The following ADARB2 variants were observed in gnomAD, a reference collection of about 807,000 sequenced individuals.
The protein encoded by ADARB2 is adenosine deaminase RNA specific B2 (inactive), also known as inactive double-stranded RNA-specific editase B2.
ADARB2 carries 25 observed loss-of-function variants against 62.2 expected under a neutral mutation model. That is an observed-to-expected ratio of 0.40 (90% confidence interval 0.29 to 0.56). The LOEUF (loss-of-function observed/expected upper bound fraction) is 0.56, where lower values mean the gene tolerates loss of function less well. ADARB2 is among the 20% of genes least tolerant of loss of function. ADARB2 has a pLI of 0.43. For synonymous variants in ADARB2, 572 were observed against 500.8 expected (o/e 1.14, Z -1.90); for missense variants, 1,071 against 1,077.4 (o/e 0.99, Z 0.08).
At chr10:1,466,562 C>A (rs954079024) in intron 1 of ADARB2, among the ~76,000 whole-genome samples, 1 of 152,116 alleles carries the variant, frequency 6.6e-6, no homozygotes, top group Non-Finnish European at 1.5e-5. Context: ...AGTGGCTAGG[C>A]GGACACACAG....
chr10:1,192,079 C>A (rs1211091228), intron 8 of ADARB2, among the ~76,000 whole-genome samples: 11 of 152,266 alleles, frequency 7.2e-5, no homozygotes, highest in African/African-American at 2.6e-4. Flanking sequence ...TGAAGAAAAT[C>A]CTTATTTACC....
At chr10:1,403,398 G>A (rs1207990774) in intron 1 of ADARB2, among the ~76,000 whole-genome samples, 1 of 152,166 alleles carries the variant, frequency 6.6e-6, no homozygotes, top group Non-Finnish European at 1.5e-5. Flanking sequence ...CCCGATGCAG[G>A]AGCAAGGCTA....
intron 1 of ADARB2, among the ~76,000 whole-genome samples, chr10:1,636,065 C>T (rs1355759465): frequency 1.3e-5 from 2 of 152,132 alleles, no homozygotes; most frequent in East Asian, 1.9e-4. Flanking sequence ...TTTTGGAGGT[C>T]GGGTGCTCCC....
At chr10:1,722,907 G>A (rs1474248837) in intron 1 of ADARB2, among the ~76,000 whole-genome samples, 6 of 152,090 alleles carry the variant, frequency 3.9e-5, no homozygotes, top group East Asian at 1.9e-4. Context: ...CTATACATAC[G>A]TGTATATTTA....
intron 1 of ADARB2, among the ~76,000 whole-genome samples, chr10:1,666,469 C>T (rs1022045940): frequency 6.6e-6 from 1 of 152,236 alleles, no homozygotes; most frequent in African/African-American, 2.4e-5. Flanking sequence ...TGTGTTCCCC[C>T]AATCGTGTTC....
chr10:1,653,567 CCCA>C (rs1834140208), intron 1 of ADARB2, among the ~76,000 whole-genome samples: 1 of 140,000 alleles, frequency 7.1e-6, no homozygotes, highest in African/African-American at 2.8e-5. Flanking sequence ...CAGTCTCCAC[CCCA>C]CGCCTCATGT....
At chr10:1,470,355 A>G (rs1831305204) in intron 1 of ADARB2, among the ~76,000 whole-genome samples, 2 of 152,256 alleles carry the variant, frequency 1.3e-5, no homozygotes, top group African/African-American at 4.8e-5. Context: ...ATCCACGCAC[A>G]GCATATCCTT....
chr10:1,224,102 G>T (rs1056965379), intron 6 of ADARB2, among the ~76,000 whole-genome samples: 1 of 152,094 alleles, frequency 6.6e-6, no homozygotes, highest in Non-Finnish European at 1.5e-5. Context: ...CAATTTCAGA[G>T]CCTGTTATTG....
chr10:1,473,376 TG>T (rs1300659881), intron 1 of ADARB2, among the ~76,000 whole-genome samples: 6 of 152,090 alleles, frequency 3.9e-5, no homozygotes, highest in Non-Finnish European at 8.8e-5. Flanking sequence ...TTGTTGTTGT[TG>T]TTGTTTTGTT....
intron 6 of ADARB2, among the ~76,000 whole-genome samples, chr10:1,228,597 C>T (rs1304639876): frequency 1.3e-5 from 2 of 152,240 alleles, no homozygotes; most frequent in East Asian, 3.9e-4. Flanking sequence ...ACTGACCTGG[C>T]CCCTCTAGGT....
intron 1 of ADARB2, among the ~76,000 whole-genome samples, chr10:1,621,157 C>T (rs989658650): frequency 5.3e-5 from 8 of 152,122 alleles, no homozygotes; most frequent in Admixed American, 3.9e-4. Flanking sequence ...TTCAAGGCAT[C>T]CAGCATAGGA....
chr10:1,401,505 G>T (rs1832662510), intron 1 of ADARB2, among the ~76,000 whole-genome samples: 1 of 152,162 alleles, frequency 6.6e-6, no homozygotes. Flanking sequence ...GATGGTCCCA[G>T]CTCCCTTCCC....
chr10:1,266,510 G>GA (rs1831202820), intron 4 of ADARB2, among the ~76,000 whole-genome samples: 1 of 121,680 alleles, frequency 8.2e-6, no homozygotes, highest in African/African-American at 3.6e-5. Context: ...GTGGTGGGGG[G>GA]TGGGGGGGGG....
chr10:1,729,483 TGGA>T (rs1192842021), intron 1 of ADARB2, among the ~76,000 whole-genome samples: 5 of 152,204 alleles, frequency 3.3e-5, no homozygotes, highest in Admixed American at 2.0e-4. Flanking sequence ...ACTTGGGGTT[TGGA>T]GGAGGTCAGA....
chr10:1,698,000 G>A (rs978033421), intron 1 of ADARB2, among the ~76,000 whole-genome samples: 3 of 152,086 alleles, frequency 2.0e-5, no homozygotes, highest in South Asian at 2.1e-4. Flanking sequence ...AATAATACGC[G>A]ACTTTCACCT....
rs76019459 is a variant in ADARB2 at position 1,321,171 on chromosome 10, G to A, written c.1077+41857C>T. The stretch of plus-strand genomic sequence containing the variant: ...CTCTTTATAGTTCTCCCCATATGAT[G>A]GTGTCATACAGATCTCTCCTCCTAC... On this transcript the variant is annotated intron_variant, in intron 3 of 9. Transcript: ENST00000381312. Among the ~76,000 whole-genome samples, 498 of 152,106 alleles carry A rather than the reference G, an allele frequency of 3.3e-3. 2 individuals carry two copies. Among genetic ancestry groups the A allele is most frequent in the Non-Finnish European group, 5.9e-3 (401 of 68,002 alleles).
At chr10:1,600,734 C>T (rs1037052157) in intron 1 of ADARB2, among the ~76,000 whole-genome samples, 4 of 151,642 alleles carry the variant, frequency 2.6e-5, no homozygotes, top group Non-Finnish European at 4.4e-5. Context: ...ATAGCTGCTC[C>T]GACTAGAAGG....
chr10:1,350,413 G>C (rs560757795), intron 3 of ADARB2, among the ~76,000 whole-genome samples: 1 of 152,022 alleles, frequency 6.6e-6, no homozygotes, highest in East Asian at 1.9e-4. Flanking sequence ...GACCGAGCTA[G>C]GTCCCAATTC....
chr10:1,442,352 A>G (rs911139736), intron 1 of ADARB2, among the ~76,000 whole-genome samples: 6 of 152,194 alleles, frequency 3.9e-5, no homozygotes, highest in African/African-American at 1.4e-4. Context: ...TGTGGAATTC[A>G]TGTCTTCACA....
Sources: allele counts gnomAD v4.1 joint callset (sites outside exome capture counted in the v4.1 genomes callset), GRCh38; gene constraint gnomAD v4.1.1; transcripts MANE v1.5; gene names NCBI Gene and HGNC (gene_info 2026-07-23, HGNC 2026-07-21).